F13A1: variants seen among roughly 807,000 people sequenced by gnomAD.
The protein encoded by F13A1 is FSF, A subunit.
Under a neutral mutation model 80.1 loss-of-function variants are expected in F13A1, and 47 were observed. That is an observed-to-expected ratio of 0.59 (90% CI 0.46 to 0.75). F13A1 has a LOEUF of 0.75. Among genes scored for constraint, F13A1 ranks in the 30% least tolerant of loss-of-function variants. The pLI, the probability that F13A1 is intolerant of heterozygous loss-of-function variation, is 0.00. For missense variants in F13A1, 817 were observed against 930.4 expected, an observed-to-expected ratio of 0.88 and a Z score of 1.59; for synonymous variants, 349 against 344.9, an observed-to-expected ratio of 1.01 and a Z score of -0.13.
At position 6,145,560 on chromosome 6, in the gene F13A1, T is replaced by C. The variant is rs528437243; in HGVS notation, c.*59A>G. ...GCAAGAGCTATTTTTGCGTTAGAAT[T>C]TCCTTAGCCAAGACTACAAGAGGCC... On this transcript the variant is annotated 3_prime_UTR_variant, in exon 15 of 15. Transcript: ENST00000264870. 242 of 1,611,818 alleles carry C rather than the reference T, an allele frequency of 1.5e-4. 1 individual carries two copies. In the African/African-American group the frequency reaches 3.1e-3, roughly 21 times the overall value.
chr6:6,233,108 G>A (rs1757373901), intron 6 of F13A1, among the ~76,000 whole-genome samples: 1 of 151,960 alleles, frequency 6.6e-6, no homozygotes, highest in Admixed American at 6.6e-5. Context: ...CAAGATCAGA[G>A]CAGAACTAAA....
At chr6:6,239,838 A>G (rs561304983) in intron 6 of F13A1, among the ~76,000 whole-genome samples, 1 of 152,242 alleles carries the variant, frequency 6.6e-6, no homozygotes, top group African/African-American at 2.4e-5. Flanking sequence ...AAAGGAATGG[A>G]CGTATGAGAG....
chr6:6,317,345 A>G (rs1432269618), intron 2 of F13A1, among the ~76,000 whole-genome samples: 1 of 152,148 alleles, frequency 6.6e-6, no homozygotes, highest in Non-Finnish European at 1.5e-5. Context: ...GTGGGGTTTT[A>G]GAGAGTGGCA....
intron 3 of F13A1, among the ~76,000 whole-genome samples, chr6:6,289,692 A>C (rs553687838): frequency 1.3e-5 from 2 of 152,098 alleles, no homozygotes; most frequent in East Asian, 3.9e-4. Context: ...AGATCTTAAT[A>C]CTCTACCTAA....
intron 3 of F13A1, among the ~76,000 whole-genome samples, chr6:6,294,724 AGTCTTTTTTT>A (rs1758293167): frequency 2.5e-5 from 3 of 121,962 alleles, no homozygotes; most frequent in Admixed American, 9.0e-5. Flanking sequence ...TTTTTTTTTT[AGTCTTTTTTT>A]AAAAATTTAT....
At chr6:6,277,128 G>A (rs373493387) in intron 3 of F13A1, among the ~76,000 whole-genome samples, 1 of 13,422 alleles carries the variant, frequency 7.5e-5, no homozygotes, top group Non-Finnish European at 1.4e-4. Flanking sequence ...CTGTGCAGGA[G>A]ATCGAGACCA....
rs188500858 is a variant in F13A1, at chr6:6,205,744, T to G, written c.1113-8418A>C. ...TTTTTTTTAGTGTAGTACCTCCAAATGGAACAGGCAGGGAATGAAACCAAA... is the reference window on the plus strand; with the variant it reads ...TTTTTTTTAGTGTAGTACCTCCAAAGGGAACAGGCAGGGAATGAAACCAAA... On this transcript the variant is annotated intron_variant, in intron 8 of 14. Coordinates refer to ENST00000264870, the MANE Select transcript of F13A1 (RefSeq NM_000129.4). 1.0e-3 allele frequency among the ~76,000 whole-genome samples: 157 copies of G among 152,014 alleles called. 2 individuals carry two copies. The highest frequency in any genetic ancestry group is 3.5e-3 in the African/African-American group (145 of 41,452).
chr6:6,173,564 C>T (rs148638244), intron 12 of F13A1, among the ~76,000 whole-genome samples: 11,138 of 152,082 alleles, frequency 0.073, 461 homozygotes, highest in Middle Eastern at 0.095. Context: ...CCTGCCACCA[C>T]GCCGGGCTAA....
At chr6:6,238,801 A>G (rs1256297176) in intron 6 of F13A1, among the ~76,000 whole-genome samples, 1 of 151,906 alleles carries the variant, frequency 6.6e-6, no homozygotes, top group Non-Finnish European at 1.5e-5. Context: ...TAAAACTACA[A>G]TGAAATGCCA....
At chr6:6,192,126 T>C (rs6933899) in intron 10 of F13A1, among the ~76,000 whole-genome samples, 72,445 of 152,032 alleles carry the variant, frequency 0.48, 18,013 homozygotes, top group East Asian at 0.73. Flanking sequence ...GGATGCTTTC[T>C]GAAGAGAAAA....
chr6:6,183,484 G>C (rs988516261), intron 10 of F13A1, among the ~76,000 whole-genome samples: 2 of 152,028 alleles, frequency 1.3e-5, no homozygotes, highest in African/African-American at 4.8e-5. Context: ...CTGTGCATCA[G>C]AGTCACCTGG....
intron 6 of F13A1, among the ~76,000 whole-genome samples, chr6:6,229,345 A>G (rs1198495246): frequency 2.6e-5 from 4 of 152,192 alleles, no homozygotes; most frequent in Admixed American, 2.6e-4. Context: ...TGAGGACCAA[A>G]TCATACCATT....
At chr6:6,166,925 G>C (rs1389338973) in intron 13 of F13A1, among the ~76,000 whole-genome samples, 2 of 152,184 alleles carry the variant, frequency 1.3e-5, no homozygotes, top group Non-Finnish European at 2.9e-5. Context: ...AACCTTCTAG[G>C]GGTGTTGGAA....
chr6:6,301,286 T>C (rs762344322), intron 3 of F13A1, among the ~76,000 whole-genome samples: 15 of 152,220 alleles, frequency 9.9e-5, no homozygotes, highest in Non-Finnish European at 1.8e-4. Flanking sequence ...GAAATGACTC[T>C]GATCAAGATA....
intron 10 of F13A1, among the ~76,000 whole-genome samples, chr6:6,195,264 C>T (rs1761268790): frequency 6.6e-6 from 1 of 152,222 alleles, no homozygotes; most frequent in African/African-American, 2.4e-5. Flanking sequence ...CTTAGAGTAG[C>T]CTCCAGGCTC....
At chr6:6,305,262 A>T in intron 3 of F13A1, 89 bp downstream of exon 3, 1 of 1,414,314 alleles carries the variant, frequency 7.1e-7, no homozygotes, top group Non-Finnish European at 1.0e-6. Flanking sequence ...GACATATGAC[A>T]CTAGGAAATC....
chr6:6,205,519 GTCCT>G (rs1407951362), intron 8 of F13A1, among the ~76,000 whole-genome samples: 2 of 152,186 alleles, frequency 1.3e-5, no homozygotes, highest in African/African-American at 4.8e-5. Flanking sequence ...TAGGGAGTGA[GTCCT>G]TCCTTAGTCC....
At chr6:6,186,377 T>G (rs1046734194) in intron 10 of F13A1, among the ~76,000 whole-genome samples, 2 of 152,250 alleles carry the variant, frequency 1.3e-5, no homozygotes, top group African/African-American at 4.8e-5. Context: ...AAGTCTTTAA[T>G]CCATCTTGAA....
In F13A1 at chr6:6,197,207, G is replaced by T. The variant is rs759789228; in HGVS notation, c.1216+16C>A. ...CAGCAATGAAGCAAGTTCCCAGAGG[G>T]AGGACACAGTTTTACCATCGCTATT... On this transcript the variant is annotated intron_variant, in intron 9 of 14. Transcript: ENST00000264870. The T allele has an allele frequency of 2.5e-6, 4 of 1,611,158 alleles. No homozygotes were observed. Among genetic ancestry groups the T allele is most frequent in the Non-Finnish European group, 3.4e-6 (4 of 1,177,384 alleles).
Sources: allele counts gnomAD v4.1 joint callset (sites outside exome capture counted in the v4.1 genomes callset), GRCh38; gene constraint gnomAD v4.1.1; transcripts MANE v1.5; gene names NCBI Gene and HGNC (gene_info 2026-07-23, HGNC 2026-07-21).